The following JPT2 variants were observed in gnomAD, a reference collection of about 807,000 sequenced individuals.
JPT2 encodes the protein Jupiter microtubule associated homolog 2.
A neutral mutation model predicts 15.9 loss-of-function variants in JPT2; 9 were observed. The observed-to-expected ratio is 0.57, with a 90% CI of 0.34 to 0.99. The LOEUF (loss-of-function observed/expected upper bound fraction) is 0.99, where lower values mean the gene tolerates loss of function less well. Among genes scored for constraint, JPT2 ranks in the 50% least tolerant of loss-of-function variants. JPT2 has a pLI of 0.02. For synonymous variants in JPT2, 95 were observed against 91.7 expected (o/e 1.04, Z -0.21); for missense variants, 267 against 252.1 (o/e 1.06, Z -0.40).
intron 3 of JPT2, among the ~76,000 whole-genome samples, chr16:1,694,709 G>A (rs1017930384): frequency 6.6e-6 from 1 of 151,754 alleles, no homozygotes; most frequent in Non-Finnish European, 1.5e-5. Flanking sequence ...TTTTCACAAG[G>A]GTGCCAAGAT....
chr16:1,683,190 A>G (rs1191465977), intron 1 of JPT2, among the ~76,000 whole-genome samples: 2 of 151,978 alleles, frequency 1.3e-5, no homozygotes, highest in Non-Finnish European at 2.9e-5. Flanking sequence ...GTTAGCCAGG[A>G]TGGTCTCGAT....
chr16:1,681,129 T>A (rs2037019407), intron 1 of JPT2, among the ~76,000 whole-genome samples: 1 of 152,136 alleles, frequency 6.6e-6, no homozygotes. Flanking sequence ...GCGTTCCCCC[T>A]CCCCCTATTA....
chr16:1,688,068 C>T (rs1159184066), intron 2 of JPT2, among the ~76,000 whole-genome samples: 2 of 152,182 alleles, frequency 1.3e-5, no homozygotes, highest in African/African-American at 4.8e-5. Flanking sequence ...ATTGTTCTTC[C>T]TCTTCTAGCA....
At chr16:1,697,992 G>A in intron 4 of JPT2, 132 bp downstream of exon 4, 1 of 757,144 alleles carries the variant, frequency 1.3e-6, no homozygotes, top group Non-Finnish European at 2.3e-6. Flanking sequence ...ACGAGCTCAG[G>A]TGTATCCACT....
intron 1 of JPT2, among the ~76,000 whole-genome samples, chr16:1,684,259 TGA>T (rs1421933674): frequency 1.3e-5 from 2 of 152,346 alleles, no homozygotes; most frequent in Admixed American, 6.5e-5. Flanking sequence ...TTAGGACTAG[TGA>T]GAGAGCATGT....
intron 3 of JPT2, among the ~76,000 whole-genome samples, chr16:1,694,541 A>G (rs1042855055): frequency 6.6e-6 from 1 of 152,234 alleles, no homozygotes; most frequent in Non-Finnish European, 1.5e-5. Context: ...AAATAATAAT[A>G]ATTGAAAAAG....
rs2037157989 is a variant in JPT2, at chr16:1,698,450, T to G, written c.386-361T>G. 6.6e-6 allele frequency among the ~76,000 whole-genome samples: 1 copy of G among 152,180 alleles called. No individual in the cohort carries two copies. The highest frequency in any genetic ancestry group is 1.5e-5 in the Non-Finnish European group (1 of 68,016). Reference sequence around the variant, plus strand: ...GCCTTTGCCTTGCTAAGCCCTCACCTAGGATGCATTCCCTCGCCGCCTCAT... The same window carrying G: ...GCCTTTGCCTTGCTAAGCCCTCACCGAGGATGCATTCCCTCGCCGCCTCAT... On this transcript the variant is annotated intron_variant, in intron 4 of 4. Coordinates refer to ENST00000248098, the MANE Select transcript of JPT2 (RefSeq NM_144570.3). This position sits in a 1 kb window ranked among gnomAD's most constrained non-coding sequence, Gnocchi z 4.9.
In JPT2 at chr16:1,701,873, C is replaced by CA. The variant is rs932760818; in HGVS notation, c.*2884dup. 505 of 286,272 alleles carry CA rather than the reference C, an allele frequency of 1.8e-3. No homozygotes were observed. Among genetic ancestry groups the CA allele is most frequent in the South Asian group, 3.4e-3 (107 of 31,642 alleles). 17.7% of individuals were successfully genotyped at this position (286,272 alleles called of 1,614,324 possible). ...ACAACATACTACGACCCTGTCTATA[C>CA]AAAAAAAAACTTCTCTAAATTAGCC... On this transcript the variant is annotated 3_prime_UTR_variant, in exon 5 of 5. Transcript: ENST00000248098.
In JPT2 at chr16:1,701,460, A is replaced by G. The variant is rs2037179622; in HGVS notation, c.*2462A>G. 1 of 152,256 alleles carries G rather than the reference A, an allele frequency of 6.6e-6. No individual in the cohort carries two copies. The highest frequency in any genetic ancestry group is 2.1e-4 in the South Asian group (1 of 4,838). The allele number at this position is 152,256 out of a possible 1,614,324, so 9.4% of individuals were successfully genotyped here. A position where few individuals can be genotyped will look rare whatever the true frequency, so the allele number is the denominator to read the frequency against. The stretch of plus-strand genomic sequence containing the variant: ...CCTGTCAGTTGTGTGTGTCCCTTAT[A>G]GTCCCTTCCCCCACAGCTCTTGCTG... On this transcript the variant is annotated 3_prime_UTR_variant, in exon 5 of 5. Coordinates refer to ENST00000248098, the MANE Select transcript of JPT2 (RefSeq NM_144570.3).
intron 3 of JPT2, chr16:1,692,383 C>G (rs1339171428): frequency 4.5e-6 from 1 of 223,920 alleles, no homozygotes; most frequent in Non-Finnish European, 9.1e-6. Context: ...TTCTGATGGG[C>G]TTTTCCCCGC....
intron 1 of JPT2, among the ~76,000 whole-genome samples, chr16:1,679,914 G>A (rs983265875): frequency 2.0e-5 from 3 of 151,972 alleles, no homozygotes; most frequent in Admixed American, 6.6e-5. Flanking sequence ...AAAATTAGCC[G>A]GGTGTGGGGT....
In JPT2 at chr16:1,700,927, C is replaced by T. The variant is rs919881949; in HGVS notation, c.*1929C>T. On this transcript the variant is annotated 3_prime_UTR_variant, in exon 5 of 5. Transcript: ENST00000248098. ...AGGGACTTCTGGGTTATGGGAGAAA[C>T]CAGAGATGGGAATGAGGAAAATATG... 3.9e-5 allele frequency: 6 copies of T among 152,134 alleles called. No homozygotes were observed. 9.4% of individuals were successfully genotyped at this position (152,134 alleles called of 1,614,324 possible). A position where few individuals can be genotyped will look rare whatever the true frequency, so the allele number is the denominator to read the frequency against.
At chr16:1,689,659 A>G (rs1252253451) in intron 2 of JPT2, 1 of 152,276 alleles carries the variant, frequency 6.6e-6, no homozygotes, top group African/African-American at 2.4e-5. Flanking sequence ...CCACGCTAGT[A>G]TTGAACTCCT....
chr16:1,697,506 CTT>C (rs1413332752), intron 3 of JPT2, among the ~76,000 whole-genome samples: 1 of 147,602 alleles, frequency 6.8e-6, no homozygotes, highest in Non-Finnish European at 1.5e-5. Context: ...GAACAAGACT[CTT>C]GTCTCCAAAA....
In JPT2 at chr16:1,680,431, G is replaced by A. The variant is rs1052121270; in HGVS notation, c.44+2075G>A. On this transcript the variant is annotated intron_variant, in intron 1 of 4. Transcript: ENST00000248098. The stretch of plus-strand genomic sequence containing the variant: ...GGGACTGGTTTCTGGACAAGGTGTT[G>A]AGAAAGGGAGAAAACTCTTCCTTTT... 1.0e-5 allele frequency: 12 copies of A among 1,205,084 alleles called. No individual in the cohort carries two copies. The African/African-American group carries it at 1.7e-4, about 17-fold the overall frequency. The allele number at this position is 1,205,084 out of a possible 1,614,324, so 74.6% of individuals were successfully genotyped here. A position where few individuals can be genotyped will look rare whatever the true frequency, so the allele number is the denominator to read the frequency against.
chr16:1,682,812 T>C (rs1356194823), intron 1 of JPT2, among the ~76,000 whole-genome samples: 1 of 152,234 alleles, frequency 6.6e-6, no homozygotes, highest in Non-Finnish European at 1.5e-5. Flanking sequence ...CACCCTTTAT[T>C]TTTTTTCCTT....
intron 1 of JPT2, among the ~76,000 whole-genome samples, chr16:1,684,526 A>G (rs1465188198): frequency 6.6e-6 from 1 of 152,152 alleles, no homozygotes; most frequent in Admixed American, 6.5e-5. Context: ...GGATCACCCC[A>G]GGTCAGGAGT....
intron 1 of JPT2, chr16:1,680,273 C>T: frequency 1.0e-6 from 1 of 962,486 alleles, no homozygotes. Flanking sequence ...GTTTGTGCTG[C>T]CTGGCACTGG....
intron 2 of JPT2, chr16:1,690,413 T>C (rs901882910): frequency 6.6e-6 from 1 of 152,252 alleles, no homozygotes. Flanking sequence ...CCTCTGTCTC[T>C]GCCTATATAA....
Sources: allele counts gnomAD v4.1 joint callset (sites outside exome capture counted in the v4.1 genomes callset), GRCh38; gene constraint gnomAD v4.1.1; non-coding constraint Gnocchi (gnomAD v3.1); transcripts MANE v1.5; gene names NCBI Gene and HGNC (gene_info 2026-07-23, HGNC 2026-07-21).